Variants in IGF2BP1 observed in about 807,000 individuals in gnomAD.
The protein encoded by IGF2BP1 is insulin-like growth factor 2 mRNA-binding protein 1.
In IGF2BP1, 11 loss-of-function variants were observed where a neutral mutation model predicts 74.9. The observed-to-expected ratio is 0.15, with a 90% confidence interval of 0.09 to 0.24. The LOEUF (loss-of-function observed/expected upper bound fraction) is 0.24, where lower values mean the gene tolerates loss of function less well. Ranked by LOEUF, IGF2BP1 falls within the 10% of genes least tolerant of loss-of-function variation. The pLI is 1.00. For synonymous variants in IGF2BP1, 287 were observed against 281.8 expected (o/e 1.02, Z -0.18); for missense variants, 440 against 757.4 (o/e 0.58, Z 4.92).
chr17:49,049,135 A>G (rs531104502), intron 14 of IGF2BP1, among the ~76,000 whole-genome samples: 20 of 151,954 alleles, frequency 1.3e-4, no homozygotes, highest in Non-Finnish European at 2.4e-4. Context: ...CTTAACACCC[A>G]CCACGTTTGC....
chr17:49,049,629 C>A lies in IGF2BP1; in HGVS notation c.*185C>A. The A allele has an allele frequency of 7.0e-6, 4 of 575,390 alleles. No homozygotes were observed. Among genetic ancestry groups the A allele is most frequent in the Non-Finnish European group, 9.3e-6 (3 of 322,306 alleles). 35.6% of individuals were successfully genotyped at this position (575,390 alleles called of 1,614,324 possible). On this transcript the variant is annotated 3_prime_UTR_variant, in exon 15 of 15. Transcript: ENST00000290341. ...ACCCTGATCTCTCAGCCCCAAACAC[C>A]CACCCAATTGGCCCAACACTGTCTG...
At chr17:49,031,554 G>A (rs2041921848) in intron 4 of IGF2BP1, among the ~76,000 whole-genome samples, 1 of 151,096 alleles carries the variant, frequency 6.6e-6, no homozygotes, top group South Asian at 2.1e-4. Context: ...TCGGAGTGCA[G>A]TGGCATGATC....
chr17:49,005,698 T>C (rs928763267), intron 2 of IGF2BP1, among the ~76,000 whole-genome samples: 6 of 152,186 alleles, frequency 3.9e-5, no homozygotes, highest in Non-Finnish European at 8.8e-5. Flanking sequence ...CATTTCCTTA[T>C]GAAAAGAAGG....
chr17:49,018,300 T>C (rs1598135188), intron 2 of IGF2BP1, among the ~76,000 whole-genome samples: 1 of 152,320 alleles, frequency 6.6e-6, no homozygotes, highest in South Asian at 2.1e-4. Flanking sequence ...TGGTACCTGT[T>C]AGATGACGTG....
At position 49,052,402 on chromosome 17, in the gene IGF2BP1, A is replaced by G. The variant is rs897045916; in HGVS notation, c.*2958A>G. The stretch of plus-strand genomic sequence containing the variant: ...CTGAAATGTGATTGTTGCAGTGTTC[A>G]GTTTCCTTGGGGGCCTGCTCCCTTC... On this transcript the variant is annotated 3_prime_UTR_variant, in exon 15 of 15. Transcript: ENST00000290341. 1.3e-5 allele frequency: 2 copies of G among 152,238 alleles called. No individual in the cohort carries two copies. The highest frequency in any genetic ancestry group is 2.4e-5 in the African/African-American group (1 of 41,456). 9.4% of individuals were successfully genotyped at this position (152,238 alleles called of 1,614,324 possible). A position where few individuals can be genotyped will look rare whatever the true frequency, so the allele number is the denominator to read the frequency against.
At chr17:49,029,605 G>T (rs1598146616) in intron 4 of IGF2BP1, among the ~76,000 whole-genome samples, 1 of 152,200 alleles carries the variant, frequency 6.6e-6, no homozygotes, top group East Asian at 1.9e-4. Flanking sequence ...ATTGATACAG[G>T]AGAAGGAAGG....
In IGF2BP1 at chr17:48,997,793, G is replaced by A; in HGVS notation, c.48G>A (p.Ala16=). ...IGNLNESVTP[A]DLEKVFAEHK... ...ACCTCAACGAGAGCGTGACCCCCGCGGACTTGGAGAAAGTGTTTGCGGAGC... is the reference window on the plus strand; with the variant it reads ...ACCTCAACGAGAGCGTGACCCCCGCAGACTTGGAGAAAGTGTTTGCGGAGC... Residue 16 remains alanine, a synonymous_variant, in exon 1 of 15, where the codon GCG becomes GCA. Transcript: ENST00000290341. This position sits in a 1 kb window ranked among gnomAD's most constrained non-coding sequence, Gnocchi z 4.8. 1.2e-6 allele frequency: 2 copies of A among 1,614,064 alleles called. No individual in the cohort carries two copies. Among genetic ancestry groups the A allele is most frequent in the African/African-American group, 1.3e-5 (1 of 75,052 alleles).
chr17:49,023,882 C>T lies in IGF2BP1; in HGVS notation c.237-1736C>T, dbSNP rs140098106. Among the ~76,000 whole-genome samples, 75 of 150,128 alleles carry T rather than the reference C, an allele frequency of 5.0e-4. No individual in the cohort carries two copies. In the Middle Eastern group the frequency reaches 0.011, roughly 21 times the overall value. ...GGTGGTGAGCGAGTGATCTGGGAGT[C>T]GACCCTGAGCCTGAAAGCCTTCCTC... On this transcript the variant is annotated intron_variant, in intron 2 of 14. Transcript: ENST00000290341.
At chr17:49,044,604 G>A (rs1470289754) in intron 11 of IGF2BP1, among the ~76,000 whole-genome samples, 1 of 152,240 alleles carries the variant, frequency 6.6e-6, no homozygotes, top group Non-Finnish European at 1.5e-5. Context: ...TGCTTTAGTT[G>A]TCTTAAAAGC....
chr17:49,028,797 T>C (rs1206700893), intron 4 of IGF2BP1, among the ~76,000 whole-genome samples: 1 of 152,146 alleles, frequency 6.6e-6, no homozygotes, highest in African/African-American at 2.4e-5. Context: ...TCCCATCCTC[T>C]TTCATCTGAT....
chr17:49,014,415 G>A (rs2041665782), intron 2 of IGF2BP1, among the ~76,000 whole-genome samples: 1 of 151,652 alleles, frequency 6.6e-6, no homozygotes, highest in Non-Finnish European at 1.5e-5. Flanking sequence ...GGTTCTCTTG[G>A]CCGTCCCCTC....
intron 2 of IGF2BP1, among the ~76,000 whole-genome samples, chr17:49,015,911 C>T (rs1051967603): frequency 1.3e-5 from 2 of 152,214 alleles, no homozygotes; most frequent in Admixed American, 1.3e-4. Flanking sequence ...TTCCTTCCTC[C>T]CCCAGAGCAA....
chr17:49,040,179 A>T, intron 7 of IGF2BP1, 88 bp downstream of exon 7: 1 of 1,397,198 alleles, frequency 7.2e-7, no homozygotes, highest in Non-Finnish European at 9.9e-7. Flanking sequence ...ATACAGACAT[A>T]TAAGAAATAC....
chr17:49,012,228 G>T (rs2041628265), intron 2 of IGF2BP1, among the ~76,000 whole-genome samples: 1 of 152,086 alleles, frequency 6.6e-6, no homozygotes, highest in African/African-American at 2.4e-5. Context: ...TGAGATGGAT[G>T]GGTCCAAATT....
intron 11 of IGF2BP1, among the ~76,000 whole-genome samples, chr17:49,044,337 A>G (rs1221914371): frequency 6.6e-6 from 1 of 152,190 alleles, no homozygotes; most frequent in Non-Finnish European, 1.5e-5. Flanking sequence ...CTTAGGTTCT[A>G]ACACAAACTG....
intron 6 of IGF2BP1, 143 bp from the exon 7 acceptor site, chr17:49,039,814 C>T (rs1008339129): frequency 1.2e-6 from 1 of 840,846 alleles, no homozygotes. Context: ...CTTTCATTGC[C>T]CTTCCCAAAG....
In IGF2BP1 at chr17:49,039,868, C is replaced by T. The variant is rs1378047194; in HGVS notation, c.684-89C>T. The T allele has an allele frequency of 2.8e-6, 4 of 1,431,150 alleles. No homozygotes were observed. The Admixed American group carries it at 7.6e-5, about 27-fold the overall frequency. The allele number at this position is 1,431,150 out of a possible 1,614,324, so 88.7% of individuals were successfully genotyped here. ...GTTTCAAGAAGAGCAGGTTCTATGC[C>T]TTTGACTGAGGAGGGGTAGTGGGGT... is the stretch of plus-strand genomic sequence containing the variant. On this transcript the variant is annotated intron_variant, in intron 6 of 14. Coordinates refer to ENST00000290341, the MANE Select transcript of IGF2BP1 (RefSeq NM_006546.4).
At chr17:49,006,286 A>C (rs1427559640) in intron 2 of IGF2BP1, among the ~76,000 whole-genome samples, 8 of 152,192 alleles carry the variant, frequency 5.3e-5, no homozygotes, top group African/African-American at 1.9e-4. Flanking sequence ...GGAATCATTC[A>C]AAATTCTTAA....
chr17:49,012,299 C>T (rs1187658561), intron 2 of IGF2BP1: 1 of 152,178 alleles, frequency 6.6e-6, no homozygotes, highest in Non-Finnish European at 1.5e-5. Context: ...TGAAATAATA[C>T]ACTTGAGAGG....
Sources: gnomAD v4.1 joint callset for allele counts (sites outside exome capture counted in the v4.1 genomes callset) on GRCh38, gnomAD v4.1.1 for gene constraint, Gnocchi (gnomAD v3.1) non-coding constraint, MANE v1.5 for transcripts, NCBI Gene and HGNC (gene_info 2026-07-23, HGNC 2026-07-21) for gene names.